The following MFSD6 variants were observed in gnomAD, a reference collection of about 807,000 sequenced individuals.
MFSD6 encodes the protein major facilitator superfamily domain-containing protein 6.
In MFSD6, 26 loss-of-function variants were observed where a neutral mutation model predicts 56.3. The observed-to-expected ratio is 0.46, with a 90% CI of 0.34 to 0.64. The LOEUF is 0.64. MFSD6 is among the 30% of genes least tolerant of loss of function. The pLI is 0.01. For synonymous variants in MFSD6, 331 were observed against 366.9 expected, an observed-to-expected ratio of 0.90 and a Z score of 1.12; for missense variants, 750 against 986.2, an observed-to-expected ratio of 0.76 and a Z score of 3.21.
At chr2:190,420,444 C>T (rs1050309221) in intron 2 of MFSD6, among the ~76,000 whole-genome samples, 4 of 152,226 alleles carry the variant, frequency 2.6e-5, no homozygotes, top group Admixed American at 6.5e-5. Flanking sequence ...TACCTCCAAA[C>T]GGGGCTACCT....
At chr2:190,445,861 AT>A (rs138381334) in intron 3 of MFSD6, among the ~76,000 whole-genome samples, 2 of 152,038 alleles carry the variant, frequency 1.3e-5, no homozygotes, top group African/African-American at 2.4e-5. Flanking sequence ...AAAGAAGGTC[AT>A]TTTTTTTCCT....
chr2:190,479,028 G>T (rs1688509941), intron 4 of MFSD6, among the ~76,000 whole-genome samples: 1 of 152,130 alleles, frequency 6.6e-6, no homozygotes, highest in African/African-American at 2.4e-5. Flanking sequence ...GCTGGTGGAG[G>T]ATTCCTTGTT....
Position 190,491,808 on chromosome 2 carries a change from A to AAACG in MFSD6, c.1891+1944_1891+1945insCGAA, listed in dbSNP as rs1689374398. Among the ~76,000 whole-genome samples, 1 of 152,202 alleles carries AAACG rather than the reference A, an allele frequency of 6.6e-6. No homozygotes were observed. The highest frequency in any genetic ancestry group is 2.4e-5 in the African/African-American group (1 of 41,454). On this transcript the variant is annotated intron_variant, in intron 6 of 7. Transcript: ENST00000392328. The surrounding 1 kb of genome is among the most constrained non-coding windows in gnomAD (Gnocchi z 4.2). ...CCAGCAATAGATCCAAACCAAGAAG[A>AAACG]AATCTCTGACTTCCCTGAAAAAGAA...
chr2:190,435,875 A>G (rs1686159761), intron 2 of MFSD6, 102 bp from the exon 3 acceptor site: 1 of 986,248 alleles, frequency 1.0e-6, no homozygotes, highest in African/African-American at 1.6e-5. Flanking sequence ...TCTTGCAATT[A>G]TTATTTTAGT....
chr2:190,493,157 C>T (rs886551099), intron 6 of MFSD6, among the ~76,000 whole-genome samples: 4 of 151,902 alleles, frequency 2.6e-5, no homozygotes, highest in African/African-American at 4.8e-5. Context: ...CATAGGAACT[C>T]ACATAAATTT....
rs937882291 is a variant in MFSD6, at chr2:190,465,585, C to T, written c.1533-4173C>T. ...AGAATTTGATTGTCTAGAAAATGATCCAGTAAAATATGCTTTAAATTCCTT... is the reference window on the plus strand; with the variant it reads ...AGAATTTGATTGTCTAGAAAATGATTCAGTAAAATATGCTTTAAATTCCTT... On this transcript the variant is annotated intron_variant, in intron 3 of 7. Transcript: ENST00000392328. This position sits in a 1 kb window ranked among gnomAD's most constrained non-coding sequence, Gnocchi z 4.6. Among the ~76,000 whole-genome samples, 2 of 152,092 alleles carry T rather than the reference C, an allele frequency of 1.3e-5. No individual in the cohort carries two copies. Among genetic ancestry groups the T allele is most frequent in the Non-Finnish European group, 2.9e-5 (2 of 68,016 alleles).
rs150631586 is a variant in MFSD6 at position 190,474,314 on chromosome 2, G to A, written c.1630+4459G>A. Among the ~76,000 whole-genome samples the A allele has an allele frequency of 8.9e-4, 136 of 152,138 alleles. 1 individual carries two copies. The East Asian group carries it at 9.8e-3, about 11-fold the overall frequency. On this transcript the variant is annotated intron_variant, in intron 4 of 7. Transcript: ENST00000392328. ...AAAAGATCAACAAAATTGATAGACC[G>A]CTAGCAAGACTAATAAAGAAGAAAA...
At position 190,488,474 on chromosome 2, in the gene MFSD6, CTG is replaced by C. The variant is rs1206066341; in HGVS notation, c.1631-180_1631-179del. 6.6e-6 allele frequency among the ~76,000 whole-genome samples: 1 copy of C among 152,176 alleles called. No homozygotes were observed. The highest frequency in any genetic ancestry group is 1.5e-5 in the Non-Finnish European group (1 of 68,040). On this transcript the variant is annotated intron_variant, in intron 4 of 7. Coordinates refer to ENST00000392328, the MANE Select transcript of MFSD6 (RefSeq NM_017694.4). This position sits in a 1 kb window ranked among gnomAD's most constrained non-coding sequence, Gnocchi z 6.4. Reference sequence around the variant, plus strand: ...GGATGGTGGTGACAGCTGCACAACACTGTGAGTGTACTCAGTGCCACTGAACC... The same window carrying C: ...GGATGGTGGTGACAGCTGCACAACACTGAGTGTACTCAGTGCCACTGAACC...
intron 4 of MFSD6, among the ~76,000 whole-genome samples, chr2:190,478,895 C>G (rs1443637804): frequency 6.6e-6 from 1 of 151,920 alleles, no homozygotes; most frequent in African/African-American, 2.4e-5. Context: ...ATCCCCAAAA[C>G]ACCACGAGAA....
chr2:190,444,433 T>G (rs971545282), intron 3 of MFSD6, among the ~76,000 whole-genome samples: 1 of 152,214 alleles, frequency 6.6e-6, no homozygotes, highest in African/African-American at 2.4e-5. Context: ...CAGTGTCAGT[T>G]TTTAAAATGT....
In MFSD6 at chr2:190,454,930, CTGTATG is replaced by C. The variant is rs1686935195; in HGVS notation, c.1533-14826_1533-14821del. Reference sequence around the variant, plus strand: ...CTGTATGTATATGTGTTCCTGGTTTCTGTATGTATATGTATATGTATATGTATATGT... The same window carrying C: ...CTGTATGTATATGTGTTCCTGGTTTCTATATGTATATGTATATGTATATGT... On this transcript the variant is annotated intron_variant, in intron 3 of 7. Coordinates refer to ENST00000392328, the MANE Select transcript of MFSD6 (RefSeq NM_017694.4). The surrounding 1 kb of genome is among the most constrained non-coding windows in gnomAD (Gnocchi z 4.6). Among the ~76,000 whole-genome samples, 1 of 120,550 alleles carries C rather than the reference CTGTATG, an allele frequency of 8.3e-6. No homozygotes were observed. The highest frequency in any genetic ancestry group is 1.6e-5 in the Non-Finnish European group (1 of 61,828). The allele number at this position is 120,550 out of a possible 152,430, so 79.1% of individuals were successfully genotyped here.
In MFSD6 at chr2:190,498,460, C is replaced by A. The variant is rs1294685299; in HGVS notation, c.2172+741C>A. Among the ~76,000 whole-genome samples the A allele has an allele frequency of 6.6e-6, 1 of 152,130 alleles. No homozygotes were observed. Among genetic ancestry groups the A allele is most frequent in the African/African-American group, 2.4e-5 (1 of 41,432 alleles). The stretch of plus-strand genomic sequence containing the variant: ...AGGGGAAAGATTTAAAAATAAGGGT[C>A]ATTTGAGTAATTCCCCTTTCAGAAA... On this transcript the variant is annotated intron_variant, in intron 7 of 7. Transcript: ENST00000392328. The surrounding 1 kb of genome is among the most constrained non-coding windows in gnomAD (Gnocchi z 5.9).
chr2:190,417,454 G>C lies in MFSD6; in HGVS notation c.-54+2041G>C, dbSNP rs190474451. 6.6e-6 allele frequency among the ~76,000 whole-genome samples: 1 copy of C among 152,298 alleles called. No individual in the cohort carries two copies. Among genetic ancestry groups the C allele is most frequent in the African/African-American group, 2.4e-5 (1 of 41,560 alleles). ...TTAGCATAAGGTGTTGTGATTGTGT[G>C]TGCCCCCGTCTTCTTCTCGCCTCTG... On this transcript the variant is annotated intron_variant, in intron 2 of 7. Transcript: ENST00000392328. This position sits in a 1 kb window ranked among gnomAD's most constrained non-coding sequence, Gnocchi z 5.7.
At chr2:190,464,590 C>T (rs995683388) in intron 3 of MFSD6, among the ~76,000 whole-genome samples, 1 of 152,154 alleles carries the variant, frequency 6.6e-6, no homozygotes. Flanking sequence ...AACCCTTGTT[C>T]GCTTTGTTTC....
Position 190,431,487 on chromosome 2 carries a change from G to C in MFSD6, c.-53-4490G>C, listed in dbSNP as rs905255176. 6.6e-6 allele frequency among the ~76,000 whole-genome samples: 1 copy of C among 152,206 alleles called. No homozygotes were observed. The highest frequency in any genetic ancestry group is 1.5e-5 in the Non-Finnish European group (1 of 68,034). On this transcript the variant is annotated intron_variant, in intron 2 of 7. Transcript: ENST00000392328. The surrounding 1 kb of genome is among the most constrained non-coding windows in gnomAD (Gnocchi z 4.4). Reference sequence around the variant, plus strand: ...GGAGGCCGAGGCTGGCGGATCACTCGCGATTAGGAGCTGGAGACTAGCCCG... The same window carrying C: ...GGAGGCCGAGGCTGGCGGATCACTCCCGATTAGGAGCTGGAGACTAGCCCG...
chr2:190,420,493 T>C (rs543072961), intron 2 of MFSD6, among the ~76,000 whole-genome samples: 2 of 152,342 alleles, frequency 1.3e-5, no homozygotes, highest in East Asian at 3.8e-4. Flanking sequence ...CTTCAACTTA[T>C]TAATTTTGGA....
rs577092514 is a variant in MFSD6 at position 190,455,000 on chromosome 2, AATGTAT to A, written c.1533-14741_1533-14736del. ...TATGTATATGTATATGTATATGTAT[AATGTAT>A]ATGTATATGTATATGTGTGTTGGTA... On this transcript the variant is annotated intron_variant, in intron 3 of 7. Coordinates refer to ENST00000392328, the MANE Select transcript of MFSD6 (RefSeq NM_017694.4). This position sits in a 1 kb window ranked among gnomAD's most constrained non-coding sequence, Gnocchi z 4.6. Among the ~76,000 whole-genome samples the A allele has an allele frequency of 3.9e-4, 18 of 46,598 alleles. No homozygotes were observed. Among genetic ancestry groups the A allele is most frequent in the African/African-American group, 1.0e-3 (17 of 16,230 alleles). 30.6% of individuals were successfully genotyped at this position (46,598 alleles called of 152,430 possible). A position where few individuals can be genotyped will look rare whatever the true frequency, so the allele number is the denominator to read the frequency against.
chr2:190,425,042 A>G lies in MFSD6; in HGVS notation c.-54+9629A>G, dbSNP rs1167629855. Reference sequence around the variant, plus strand: ...CTTTGATTTCTTTCATCAGCATTTTATGGTTTTCAGCATAAGGCCTTGTAC... The same window carrying G: ...CTTTGATTTCTTTCATCAGCATTTTGTGGTTTTCAGCATAAGGCCTTGTAC... On this transcript the variant is annotated intron_variant, in intron 2 of 7. Transcript: ENST00000392328. The surrounding 1 kb of genome is among the most constrained non-coding windows in gnomAD (Gnocchi z 4.3). Among the ~76,000 whole-genome samples, 2 of 152,178 alleles carry G rather than the reference A, an allele frequency of 1.3e-5. No individual in the cohort carries two copies. The highest frequency in any genetic ancestry group is 2.9e-5 in the Non-Finnish European group (2 of 68,036).
Position 190,469,564 on chromosome 2 carries a change from T to C in MFSD6, c.1533-194T>C, listed in dbSNP as rs1687794753. On this transcript the variant is annotated intron_variant, in intron 3 of 7. Coordinates refer to ENST00000392328, the MANE Select transcript of MFSD6 (RefSeq NM_017694.4). The surrounding 1 kb of genome is among the most constrained non-coding windows in gnomAD (Gnocchi z 5.3). ...TAGAAGCCATCTTCTTATTCCTAAA[T>C]TCATGCTTAAATGTAATTGTCCTTC... 1 of 293,134 alleles carries C rather than the reference T, an allele frequency of 3.4e-6. No homozygotes were observed. Among genetic ancestry groups the C allele is most frequent in the South Asian group, 1.4e-4 (1 of 7,286 alleles). 18.2% of individuals were successfully genotyped at this position (293,134 alleles called of 1,614,324 possible). A position where few individuals can be genotyped will look rare whatever the true frequency, so the allele number is the denominator to read the frequency against.
Sources: gnomAD v4.1 joint callset for allele counts (sites outside exome capture counted in the v4.1 genomes callset) on GRCh38, gnomAD v4.1.1 for gene constraint, Gnocchi (gnomAD v3.1) non-coding constraint, MANE v1.5 for transcripts, NCBI Gene and HGNC (gene_info 2026-07-23, HGNC 2026-07-21) for gene names.